Variants in ENTREP2 observed in about 807,000 individuals in gnomAD.
ENTREP2 encodes the protein protein ENTREP2.
At chr15:29,366,566 T>G in the ENTREP2 span, among the ~76,000 whole-genome samples, 7 of 152,154 alleles carry the variant, frequency 4.6e-5, no homozygotes, top group African/African-American at 1.7e-4. Flanking sequence ...AGAGTTTCCC[T>G]TGTGCTTCCC....
the ENTREP2 span, among the ~76,000 whole-genome samples, chr15:29,629,262 C>T: frequency 6.6e-6 from 1 of 152,072 alleles, no homozygotes; most frequent in Non-Finnish European, 1.5e-5. Context: ...TTCAGTTCGT[C>T]ACTAATTATA....
At chr15:29,224,061 A>G in the ENTREP2 span, among the ~76,000 whole-genome samples, 1 of 152,152 alleles carries the variant, frequency 6.6e-6, no homozygotes, top group Non-Finnish European at 1.5e-5. Flanking sequence ...ACTGAGTGTT[A>G]CAGTTCTTAA....
At chr15:29,509,694 T>C in the ENTREP2 span, among the ~76,000 whole-genome samples, 2 of 152,170 alleles carry the variant, frequency 1.3e-5, no homozygotes, top group Admixed American at 6.5e-5. Context: ...GAAAACTGGC[T>C]AGCATATGCA....
the ENTREP2 span, among the ~76,000 whole-genome samples, chr15:29,289,833 G>A: frequency 7.9e-5 from 12 of 152,050 alleles, no homozygotes. Flanking sequence ...GTGACAGAGT[G>A]AGACTCCATC....
chr15:29,477,622 T>G, the ENTREP2 span, among the ~76,000 whole-genome samples: 1 of 152,132 alleles, frequency 6.6e-6, no homozygotes, highest in South Asian at 2.1e-4. Context: ...TCTCCAGACC[T>G]GTGCCTGCAA....
the ENTREP2 span, among the ~76,000 whole-genome samples, chr15:29,164,964 AATT>A: frequency 6.6e-6 from 1 of 152,204 alleles, no homozygotes; most frequent in African/African-American, 2.4e-5. Flanking sequence ...AGAAAATTGA[AATT>A]ATATCAAGCA....
chr15:29,566,155 G>T, the ENTREP2 span, among the ~76,000 whole-genome samples: 4 of 151,078 alleles, frequency 2.6e-5, no homozygotes, highest in African/African-American at 7.3e-5. Context: ...TATATTTTTT[G>T]TTTGTTTGTT....
chr15:29,593,333 T>C, the ENTREP2 span, among the ~76,000 whole-genome samples: 1 of 152,198 alleles, frequency 6.6e-6, no homozygotes, highest in Non-Finnish European at 1.5e-5. Flanking sequence ...CTGCTCTTTG[T>C]GGCTGGTATG....
At chr15:29,299,652 G>T in the ENTREP2 span, among the ~76,000 whole-genome samples, 1 of 151,872 alleles carries the variant, frequency 6.6e-6, no homozygotes, top group African/African-American at 2.4e-5. Flanking sequence ...ACCCTCTCTG[G>T]CCCCCTTTCT....
the ENTREP2 span, among the ~76,000 whole-genome samples, chr15:29,185,664 C>T: frequency 4.6e-5 from 7 of 152,214 alleles, no homozygotes; most frequent in East Asian, 1.2e-3. Flanking sequence ...CAGGTTCAAG[C>T]GATTCTCCTG....
chr15:29,274,495 C>T, the ENTREP2 span, among the ~76,000 whole-genome samples: 3 of 152,050 alleles, frequency 2.0e-5, no homozygotes, highest in Non-Finnish European at 4.4e-5. Context: ...GAAACCTGTA[C>T]GATACTGACA....
the ENTREP2 span, among the ~76,000 whole-genome samples, chr15:29,312,994 G>C: frequency 6.6e-6 from 1 of 152,316 alleles, no homozygotes; most frequent in East Asian, 1.9e-4. Flanking sequence ...ACACACGAAT[G>C]ATCAAGAAAA....
At chr15:29,267,320 ATC>A in the ENTREP2 span, 6 of 152,238 alleles carry the variant, frequency 3.9e-5, no homozygotes, top group African/African-American at 1.4e-4. Context: ...AACGTGTTGA[ATC>A]TCTGCATTAA....
At chr15:29,212,832 T>C in the ENTREP2 span, among the ~76,000 whole-genome samples, 26 of 152,274 alleles carry the variant, frequency 1.7e-4, no homozygotes, top group Admixed American at 1.6e-3. Flanking sequence ...CTGTTGCCAT[T>C]ACTTTTGGTG....
chr15:29,271,900 T>C, the ENTREP2 span, among the ~76,000 whole-genome samples: 1 of 152,102 alleles, frequency 6.6e-6, no homozygotes, highest in Non-Finnish European at 1.5e-5. Context: ...GACCGAGATA[T>C]AAGGGGAAAG....
chr15:29,167,588 AGG>A, the ENTREP2 span, among the ~76,000 whole-genome samples: 1 of 151,330 alleles, frequency 6.6e-6, no homozygotes, highest in Admixed American at 6.5e-5. Context: ...ACTAATGATC[AGG>A]GAAATGCAAA....
At chr15:29,158,169 C>G in the ENTREP2 span, among the ~76,000 whole-genome samples, 1 of 152,150 alleles carries the variant, frequency 6.6e-6, no homozygotes, top group Non-Finnish European at 1.5e-5. Flanking sequence ...CATATGCTAC[C>G]AAATGAAACT....
chr15:29,315,994 A>T, the ENTREP2 span, among the ~76,000 whole-genome samples: 3 of 119,836 alleles, frequency 2.5e-5, no homozygotes, highest in South Asian at 6.5e-4. Flanking sequence ...AGTAGTTACT[A>T]TAGGGCCGGG....
the ENTREP2 span, among the ~76,000 whole-genome samples, chr15:29,298,159 T>C: frequency 6.8e-6 from 1 of 147,586 alleles, no homozygotes; most frequent in South Asian, 2.1e-4. Flanking sequence ...AAGTAACCTA[T>C]GAATCAAAGA....
Sources: gnomAD v4.1 joint callset for allele counts (sites outside exome capture counted in the v4.1 genomes callset) on GRCh38, gnomAD v4.1.1 for gene constraint, MANE v1.5 for transcripts, NCBI Gene and HGNC (gene_info 2026-07-23, HGNC 2026-07-21) for gene names.